ADAMTS2: variants seen among roughly 807,000 people sequenced by gnomAD.
The protein encoded by ADAMTS2 is ADAM metallopeptidase with thrombospondin type 1 motif 2, also known as A disintegrin and metalloproteinase with thrombospondin motifs 2.
In ADAMTS2, 50 loss-of-function variants were observed where a neutral mutation model predicts 123.0. That is an observed-to-expected ratio of 0.41 (90% CI 0.32 to 0.51). The LOEUF (loss-of-function observed/expected upper bound fraction) is 0.51. ADAMTS2 is among the 20% of genes least tolerant of loss of function. The probability of loss-of-function intolerance (pLI) is 0.35; values close to 1 mark genes in which losing one functional copy is unlikely to be tolerated. For synonymous variants in ADAMTS2, 678 were observed against 695.4 expected, an observed-to-expected ratio of 0.98 and a Z score of 0.39; for missense variants, 1,494 against 1,705.2, an observed-to-expected ratio of 0.88 and a Z score of 2.18.
chr5:179,280,528 A>G (rs1016336198), intron 2 of ADAMTS2, among the ~76,000 whole-genome samples: 9 of 152,184 alleles, frequency 5.9e-5, no homozygotes, highest in Non-Finnish European at 1.0e-4. Flanking sequence ...CTAAAACTCT[A>G]CTAGGACCAA....
rs2113570520 is a variant in ADAMTS2 at position 179,308,060 on chromosome 5, C to G, written c.535-34996G>C. On this transcript the variant is annotated intron_variant, in intron 2 of 21. Coordinates refer to ENST00000251582, the MANE Select transcript of ADAMTS2 (RefSeq NM_014244.5). This position sits in a 1 kb window ranked among gnomAD's most constrained non-coding sequence, Gnocchi z 6.6. ...CCGGCCCTCCCGAGGCTCCCTTCCC[C>G]TACTTCAGGATGGTGTAAGGTTTCC... 6.6e-6 allele frequency among the ~76,000 whole-genome samples: 1 copy of G among 152,282 alleles called. No individual in the cohort carries two copies. The highest frequency in any genetic ancestry group is 1.9e-4 in the East Asian group (1 of 5,176).
Position 179,242,414 on chromosome 5 carries a change from T to C in ADAMTS2, c.688+30497A>G, listed in dbSNP as rs1215683415. 6.6e-6 allele frequency among the ~76,000 whole-genome samples: 1 copy of C among 152,198 alleles called. No individual in the cohort carries two copies. The highest frequency in any genetic ancestry group is 6.5e-5 in the Admixed American group (1 of 15,286). On this transcript the variant is annotated intron_variant, in intron 3 of 21. Transcript: ENST00000251582. The surrounding 1 kb of genome is among the most constrained non-coding windows in gnomAD (Gnocchi z 4.2). ...CCCTTTAAAAAAAGATTAGGAATCA[T>C]CTGCCATGAGAATTCCACTTCTGGA...
chr5:179,123,166 G>A lies in ADAMTS2; in HGVS notation c.2959-393C>T, dbSNP rs759306287. Among the ~76,000 whole-genome samples the A allele has an allele frequency of 8.5e-4, 129 of 152,294 alleles. 1 individual carries two copies. The highest frequency in any genetic ancestry group is 1.9e-3 in the Admixed American group (29 of 15,306). ...AAAGCTCTGACCCAGCCTAGGAGGC[G>A]CCAGTAGGCTCCCCACAATCCTGGG... is the stretch of plus-strand genomic sequence containing the variant. On this transcript the variant is annotated intron_variant, in intron 19 of 21. Transcript: ENST00000251582.
intron 2 of ADAMTS2, among the ~76,000 whole-genome samples, chr5:179,295,405 C>G (rs963132869): frequency 2.0e-5 from 3 of 152,156 alleles, no homozygotes; most frequent in African/African-American, 7.2e-5. Context: ...GCTGTGGTGG[C>G]CCCCAGCCTC....
At chr5:179,215,404 C>T (rs112993967) in intron 3 of ADAMTS2, among the ~76,000 whole-genome samples, 37,082 of 151,882 alleles carry the variant, frequency 0.24, 4,563 homozygotes, top group South Asian at 0.27. Context: ...GCTGAGATCA[C>T]GCCATTGCAC....
chr5:179,230,785 C>T lies in ADAMTS2; in HGVS notation c.689-23070G>A, dbSNP rs533113645. ...CAGCACTTTGGGAGGCCGAGGCAGG[C>T]GGATTGCCTGAGGTCAGGAGTTCGA... On this transcript the variant is annotated intron_variant, in intron 3 of 21. Transcript: ENST00000251582. Among the ~76,000 whole-genome samples, 17 of 152,240 alleles carry T rather than the reference C, an allele frequency of 1.1e-4. No homozygotes were observed. The South Asian group carries it at 3.5e-3, about 32-fold the overall frequency.
intron 2 of ADAMTS2, among the ~76,000 whole-genome samples, chr5:179,273,677 A>C (rs969016403): frequency 6.6e-6 from 1 of 152,038 alleles, no homozygotes; most frequent in African/African-American, 2.4e-5. Flanking sequence ...ATGCCCCTGC[A>C]ACTGGCTCCA....
At chr5:179,338,712 G>C (rs1448068936) in intron 2 of ADAMTS2, among the ~76,000 whole-genome samples, 1 of 152,232 alleles carries the variant, frequency 6.6e-6, no homozygotes, top group Non-Finnish European at 1.5e-5. Flanking sequence ...AAGAACCACT[G>C]AGAGGTCTTA....
At chr5:179,328,731 T>C (rs2127458448) in intron 2 of ADAMTS2, among the ~76,000 whole-genome samples, 1 of 152,330 alleles carries the variant, frequency 6.6e-6, no homozygotes. Context: ...GATAACAATC[T>C]GGTGTAAAAT....
intron 2 of ADAMTS2, among the ~76,000 whole-genome samples, chr5:179,325,382 G>A (rs1236350330): frequency 6.6e-6 from 1 of 152,226 alleles, no homozygotes; most frequent in East Asian, 1.9e-4. Context: ...CGGGGGCAGG[G>A]AGAAGACAGG....
chr5:179,339,262 T>A (rs1258830159), intron 2 of ADAMTS2, among the ~76,000 whole-genome samples: 2 of 152,170 alleles, frequency 1.3e-5, no homozygotes, highest in African/African-American at 4.8e-5. Flanking sequence ...CTCTCACAGG[T>A]GTCACCCAGA....
intron 2 of ADAMTS2, among the ~76,000 whole-genome samples, chr5:179,324,501 G>A (rs538451005): frequency 1.3e-5 from 2 of 149,078 alleles, no homozygotes; most frequent in South Asian, 2.1e-4. Flanking sequence ...AACAATTCTC[G>A]TGCCTCAGCC....
At chr5:179,249,326 A>T (rs955971133) in intron 3 of ADAMTS2, among the ~76,000 whole-genome samples, 1 of 152,074 alleles carries the variant, frequency 6.6e-6, no homozygotes, top group Non-Finnish European at 1.5e-5. Flanking sequence ...CAATAACCTA[A>T]CTTTACACAT....
chr5:179,284,357 A>G (rs771526309), intron 2 of ADAMTS2, among the ~76,000 whole-genome samples: 5 of 152,148 alleles, frequency 3.3e-5, no homozygotes, highest in Non-Finnish European at 5.9e-5. Flanking sequence ...AAAAACAGAC[A>G]ACAAAAACAA....
intron 15 of ADAMTS2, among the ~76,000 whole-genome samples, chr5:179,131,088 G>A (rs550937759): frequency 3.3e-5 from 5 of 152,064 alleles, no homozygotes; most frequent in African/African-American, 4.8e-5. Context: ...CGAGGCAGGC[G>A]GATCACGAGG....
Position 179,291,973 on chromosome 5 carries a change from G to A in ADAMTS2, c.535-18909C>T, listed in dbSNP as rs111936171. On this transcript the variant is annotated intron_variant, in intron 2 of 21. Coordinates refer to ENST00000251582, the MANE Select transcript of ADAMTS2 (RefSeq NM_014244.5). Reference sequence around the variant, plus strand: ...TGCCAGGGCTGATGTTGAACTCCTGGGCTCAAGTAATCCTACTGCCTTGGT... The same window carrying A: ...TGCCAGGGCTGATGTTGAACTCCTGAGCTCAAGTAATCCTACTGCCTTGGT... Among the ~76,000 whole-genome samples the A allele has an allele frequency of 3.0e-3, 451 of 152,032 alleles. No individual in the cohort carries two copies. The Middle Eastern group carries it at 0.037, about 13-fold the overall frequency.
chr5:179,123,970 T>G (rs1403922443), intron 19 of ADAMTS2, among the ~76,000 whole-genome samples: 1 of 152,238 alleles, frequency 6.6e-6, no homozygotes, highest in Non-Finnish European at 1.5e-5. Flanking sequence ...TGGGCTCCCC[T>G]GCTTGGCAGC....
At chr5:179,231,703 A>C (rs1765415176) in intron 3 of ADAMTS2, among the ~76,000 whole-genome samples, 2 of 152,318 alleles carry the variant, frequency 1.3e-5, no homozygotes, top group East Asian at 3.9e-4. Flanking sequence ...ATCAATGTCC[A>C]AAATTTTTAT....
Position 179,228,110 on chromosome 5 carries a change from C to T in ADAMTS2, c.689-20395G>A. 6.6e-6 allele frequency among the ~76,000 whole-genome samples: 1 copy of T among 152,174 alleles called. No homozygotes were observed. Among genetic ancestry groups the T allele is most frequent in the Non-Finnish European group, 1.5e-5 (1 of 68,018 alleles). ...ATTTCTGTGGGGACACAAGGACAGACACCCATGAGACACTCAGGCAGGAGT... is the reference window on the plus strand; with the variant it reads ...ATTTCTGTGGGGACACAAGGACAGATACCCATGAGACACTCAGGCAGGAGT... On this transcript the variant is annotated intron_variant, in intron 3 of 21. Transcript: ENST00000251582. The surrounding 1 kb of genome is among the most constrained non-coding windows in gnomAD (Gnocchi z 5.2).
Sources: allele counts gnomAD v4.1 joint callset (sites outside exome capture counted in the v4.1 genomes callset), GRCh38; gene constraint gnomAD v4.1.1; non-coding constraint Gnocchi (gnomAD v3.1); transcripts MANE v1.5; gene names NCBI Gene and HGNC (gene_info 2026-07-23, HGNC 2026-07-21).